The following NBAS variants were observed in gnomAD, a reference collection of about 807,000 sequenced individuals.
NBAS encodes the protein NBAS subunit of NRZ tethering complex, also known as NAG/BC035112 fusion.
A neutral mutation model predicts 302.5 loss-of-function variants in NBAS; 219 were observed. The ratio of observed to expected loss-of-function variants is 0.72; its 90% CI spans 0.65 to 0.81. The LOEUF (loss-of-function observed/expected upper bound fraction) is 0.81, where lower values mean the gene tolerates loss of function less well. Among genes scored for constraint, NBAS ranks in the 30% least tolerant of loss-of-function variants. NBAS has a pLI of 0.00. For missense variants in NBAS, 2,932 were observed against 2,841.6 expected, an observed-to-expected ratio of 1.03 and a Z score of -0.72; for synonymous variants, 1,118 against 1,021.6, an observed-to-expected ratio of 1.09 and a Z score of -1.80.
the NBAS span, among the ~76,000 whole-genome samples, chr2:15,015,642 C>A: frequency 6.6e-6 from 1 of 152,082 alleles, no homozygotes; most frequent in Non-Finnish European, 1.5e-5. Flanking sequence ...AGTACCTCAA[C>A]ACAATAAAGG....
chr2:15,361,179 T>C (rs914488157), intron 32 of NBAS, among the ~76,000 whole-genome samples: 4 of 152,214 alleles, frequency 2.6e-5, no homozygotes, highest in Admixed American at 1.3e-4. Context: ...CAAAATTTCA[T>C]GTACCATTGC....
At chr2:15,473,928 T>G in intron 15 of NBAS, 139 bp downstream of exon 15, 2 of 1,043,040 alleles carry the variant, frequency 1.9e-6, no homozygotes. Flanking sequence ...TAAAAAGCTT[T>G]ATAGAACTGA....
chr2:14,940,176 G>A, the NBAS span, among the ~76,000 whole-genome samples: 1 of 152,088 alleles, frequency 6.6e-6, no homozygotes, highest in African/African-American at 2.4e-5. Flanking sequence ...CTAAACAAAC[G>A]AGTTTCTTCT....
chr2:15,429,411 T>A (rs1677649630), intron 21 of NBAS, among the ~76,000 whole-genome samples: 1 of 152,250 alleles, frequency 6.6e-6, no homozygotes. Context: ...AGAAAAAGGA[T>A]TGTACTTTCT....
intron 44 of NBAS, among the ~76,000 whole-genome samples, chr2:15,240,789 G>A (rs1301742785): frequency 2.0e-5 from 3 of 152,044 alleles, no homozygotes; most frequent in African/African-American, 4.8e-5. Context: ...CTGGCTCTAA[G>A]CCATTAAAAA....
the NBAS span, among the ~76,000 whole-genome samples, chr2:15,103,241 G>A: frequency 2.6e-5 from 4 of 151,976 alleles, no homozygotes; most frequent in African/African-American, 7.3e-5. Context: ...TTCCCCACAC[G>A]TCAAGCTCCT....
At chr2:15,136,753 G>C in the NBAS span, among the ~76,000 whole-genome samples, 2 of 152,182 alleles carry the variant, frequency 1.3e-5, no homozygotes, top group African/African-American at 4.8e-5. Flanking sequence ...GACCTGGTGG[G>C]ACGTGATTGA....
the NBAS span, among the ~76,000 whole-genome samples, chr2:15,093,330 C>T: frequency 2.0e-5 from 3 of 152,078 alleles, no homozygotes; most frequent in African/African-American, 4.8e-5. Flanking sequence ...GCAGGAAAAT[C>T]GCTTGAACCC....
intron 7 of NBAS, among the ~76,000 whole-genome samples, chr2:15,539,000 T>G (rs892659701): frequency 5.3e-5 from 8 of 152,210 alleles, no homozygotes; most frequent in Admixed American, 1.3e-4. Context: ...ATTTAGTGTT[T>G]ACTTACTACC....
chr2:15,250,182 T>C lies in NBAS; in HGVS notation c.5725-11496A>G, dbSNP rs973901220. Among the ~76,000 whole-genome samples the C allele has an allele frequency of 2.0e-5, 3 of 152,192 alleles. No individual in the cohort carries two copies. In the East Asian group the frequency reaches 5.8e-4, roughly 29 times the overall value. ...CACACATCTACAATCATCTGATCTT[T>C]GACAAACCTGACAGAAACAAGCAAT... On this transcript the variant is annotated intron_variant, in intron 44 of 51. Coordinates refer to ENST00000281513, the MANE Select transcript of NBAS (RefSeq NM_015909.4).
chr2:15,335,174 TA>T (rs34790746), intron 35 of NBAS, among the ~76,000 whole-genome samples: 21,863 of 117,238 alleles, frequency 0.19, 1,832 homozygotes, highest in Non-Finnish European at 0.22. Context: ...TCATCTCTCT[TA>T]AAAAAAAAAA....
intron 30 of NBAS, among the ~76,000 whole-genome samples, chr2:15,376,427 A>C (rs1674741591): frequency 6.6e-6 from 1 of 152,188 alleles, no homozygotes; most frequent in Admixed American, 6.5e-5. Context: ...TACAATTCCC[A>C]GTTTCAAAGG....
At chr2:15,165,675 T>C (rs919962153), downstream of NBAS, among the ~76,000 whole-genome samples, 11 of 140,926 alleles carry the variant, frequency 7.8e-5, no homozygotes, top group African/African-American at 2.9e-4. Context: ...GGGAGTGGGG[T>C]GGACAGGGGG....
At chr2:15,455,005 C>T (rs147612973) in intron 21 of NBAS, among the ~76,000 whole-genome samples, 4,156 of 151,672 alleles carry the variant, frequency 0.027, 129 homozygotes, top group African/African-American at 0.071. Context: ...TGGGTTCAAG[C>T]GATTCTCCTG....
the NBAS span, among the ~76,000 whole-genome samples, chr2:15,159,851 C>T: frequency 1.4e-4 from 21 of 151,746 alleles, no homozygotes; most frequent in East Asian, 3.9e-3. Context: ...ACAATGGAAA[C>T]AGTAGGGATT....
chr2:15,314,337 G>C (rs1269461280), intron 38 of NBAS, among the ~76,000 whole-genome samples: 1 of 152,046 alleles, frequency 6.6e-6, no homozygotes, highest in Admixed American at 6.5e-5. Flanking sequence ...CTCCAGCCTG[G>C]GCAACAGAGA....
the NBAS span, among the ~76,000 whole-genome samples, chr2:15,037,685 C>G: frequency 6.6e-6 from 1 of 152,080 alleles, no homozygotes; most frequent in Non-Finnish European, 1.5e-5. Flanking sequence ...AGAAAACAAG[C>G]CTTTTTTATT....
intron 21 of NBAS, among the ~76,000 whole-genome samples, chr2:15,441,921 T>C: frequency 6.6e-6 from 1 of 150,622 alleles, no homozygotes; most frequent in African/African-American, 2.4e-5. Flanking sequence ...GGCCATTACA[T>C]AATAGTAAAG....
At chr2:14,831,587 G>C in the NBAS span, among the ~76,000 whole-genome samples, 1 of 152,080 alleles carries the variant, frequency 6.6e-6, no homozygotes, top group Non-Finnish European at 1.5e-5. Context: ...ATAAATGTTG[G>C]AATGCTCCTT....
Sources: gnomAD v4.1 joint callset for allele counts (sites outside exome capture counted in the v4.1 genomes callset) on GRCh38, gnomAD v4.1.1 for gene constraint, MANE v1.5 for transcripts, NCBI Gene and HGNC (gene_info 2026-07-23, HGNC 2026-07-21) for gene names.